ADGRV1: variants seen among roughly 807,000 people sequenced by gnomAD.
The protein encoded by ADGRV1 is adhesion G protein-coupled receptor V1.
In ADGRV1, 359 loss-of-function variants were observed where a neutral mutation model predicts 596.2. The observed-to-expected ratio is 0.60, with a 90% CI of 0.55 to 0.66. The LOEUF is 0.66. Ranked by LOEUF, ADGRV1 falls within the 30% of genes least tolerant of loss-of-function variation. ADGRV1 has a pLI of 0.00. For synonymous variants in ADGRV1, 2,681 were observed against 2,679.2 expected, an observed-to-expected ratio of 1.00 and a Z score of -0.02; for missense variants, 7,274 against 7,575.6, an observed-to-expected ratio of 0.96 and a Z score of 1.48.
At chr5:90,760,636 C>T (rs1324025626) in intron 58 of ADGRV1, among the ~76,000 whole-genome samples, 1 of 152,090 alleles carries the variant, frequency 6.6e-6, no homozygotes, top group Non-Finnish European at 1.5e-5. Context: ...TCTGTTGTGA[C>T]TTATGTAGAA....
intron 82 of ADGRV1, among the ~76,000 whole-genome samples, chr5:90,860,924 C>G (rs1269172035): frequency 6.6e-6 from 1 of 152,082 alleles, no homozygotes; most frequent in East Asian, 1.9e-4. Context: ...GAAAGTATCT[C>G]TCATTCTTAA....
Position 90,722,716 on chromosome 5 carries a change from C to CA in ADGRV1, c.9748+1697dup, listed in dbSNP as rs55761821. On this transcript the variant is annotated intron_variant, in intron 45 of 89. Coordinates refer to ENST00000405460, the MANE Select transcript of ADGRV1 (RefSeq NM_032119.4). ...GGCAACAAGAGCAAAAACTCCGTCT[C>CA]AAAAAAAAAAAAAAAAAAAAAAAAA... Among the ~76,000 whole-genome samples the CA allele has an allele frequency of 1.0e-3, 34 of 32,904 alleles. 7 individuals carry two copies. Among genetic ancestry groups the CA allele is most frequent in the African/African-American group, 1.5e-3 (12 of 8,126 alleles). The allele number at this position is 32,904 out of a possible 152,430, so 21.6% of individuals were successfully genotyped here. A position where few individuals can be genotyped will look rare whatever the true frequency, so the allele number is the denominator to read the frequency against.
At chr5:90,696,903 T>C (rs373449568) in intron 33 of ADGRV1, 34 bp from the exon 34 acceptor site, 80 of 1,528,718 alleles carry the variant, frequency 5.2e-5, no homozygotes, top group Admixed American at 3.5e-4. Flanking sequence ...GTGATTTTGT[T>C]ACTTTGGTTT....
intron 83 of ADGRV1, among the ~76,000 whole-genome samples, chr5:90,891,725 T>A (rs1714597352): frequency 1.3e-5 from 2 of 151,968 alleles, no homozygotes. Context: ...TAGAAGAATT[T>A]CTGTTTTAGA....
chr5:90,674,210 A>C lies in ADGRV1; in HGVS notation c.5086A>C (p.Ile1696Leu). 6.2e-7 allele frequency: 1 copy of C among 1,609,486 alleles called. No individual in the cohort carries two copies. Among genetic ancestry groups the C allele is most frequent in the Non-Finnish European group, 8.5e-7 (1 of 1,178,078 alleles). Residue 1696 changes from isoleucine to leucine, a missense_variant, in exon 23 of 90, where the codon ATC becomes CTC. Ile to Leu is a conservative substitution (Grantham distance 5). This residue lies in a region of ADGRV1 where 3,643 missense variants were observed against 3,809.2 expected (regional missense o/e 0.96). Transcript: ENST00000405460. ...TGAAAAGGAAACGACTGATATCACC[A>C]TCAAAGCTAGTGATCATCCATATGG... The part of the protein sequence containing the change: ...DPEKETTDIT[I>L]KASDHPYGLL...
intron 85 of ADGRV1, among the ~76,000 whole-genome samples, chr5:91,066,481 T>C (rs564508166): frequency 2.6e-5 from 4 of 152,344 alleles, no homozygotes; most frequent in Admixed American, 2.0e-4. Flanking sequence ...AATTTTATTA[T>C]ACAGCAGTAG....
intron 83 of ADGRV1, among the ~76,000 whole-genome samples, chr5:90,932,004 T>G (rs773082032): frequency 3.3e-5 from 5 of 152,226 alleles, no homozygotes; most frequent in Non-Finnish European, 5.9e-5. Context: ...TTTACTTTAC[T>G]CACTTTGTTT....
intron 57 of ADGRV1, among the ~76,000 whole-genome samples, chr5:90,759,104 A>G (rs1429263564): frequency 6.6e-6 from 1 of 152,192 alleles, no homozygotes; most frequent in Non-Finnish European, 1.5e-5. Context: ...CTCTTATCAC[A>G]TCAATAATGT....
At chr5:90,595,348 C>T (rs1760219300) in intron 1 of ADGRV1, among the ~76,000 whole-genome samples, 1 of 64,304 alleles carries the variant, frequency 1.6e-5, no homozygotes, top group Non-Finnish European at 3.1e-5. Context: ...GCTGACCCCC[C>T]CACCTCCCTC....
intron 31 of ADGRV1, 63 bp from the exon 32 acceptor site, chr5:90,692,542 A>C (rs1746614241): frequency 1.5e-6 from 2 of 1,314,060 alleles, no homozygotes; most frequent in Admixed American, 2.6e-5. Context: ...TTTTCCCTTG[A>C]ATCATTTTTA....
At chr5:90,570,272 C>A (rs751270282) in intron 1 of ADGRV1, among the ~76,000 whole-genome samples, 1 of 152,104 alleles carries the variant, frequency 6.6e-6, no homozygotes, top group Non-Finnish European at 1.5e-5. Flanking sequence ...CTTCTAGCCT[C>A]CTAGGCTAGA....
intron 58 of ADGRV1, chr5:90,762,509 A>G (rs1385563003): frequency 2.0e-5 from 3 of 152,102 alleles, no homozygotes; most frequent in Admixed American, 2.0e-4. Context: ...ATTGTGTTAT[A>G]TTTTCTGTTT....
chr5:90,611,894 A>G (rs1228785105), intron 1 of ADGRV1, among the ~76,000 whole-genome samples: 3 of 152,006 alleles, frequency 2.0e-5, no homozygotes, highest in African/African-American at 7.2e-5. Flanking sequence ...GCATTTGTGT[A>G]ATTATGCCTG....
At chr5:90,635,519 G>A (rs1272062841) in intron 10 of ADGRV1, among the ~76,000 whole-genome samples, 2 of 152,098 alleles carry the variant, frequency 1.3e-5, no homozygotes, top group Non-Finnish European at 2.9e-5. Context: ...CACAGTGAGT[G>A]TCGGATATTT....
At chr5:91,156,748 A>G (rs1796511492) in intron 89 of ADGRV1, among the ~76,000 whole-genome samples, 1 of 152,176 alleles carries the variant, frequency 6.6e-6, no homozygotes, top group Non-Finnish European at 1.5e-5. Flanking sequence ...ATATTTTTAG[A>G]AAAAGTAATG....
chr5:90,703,367 A>G (rs2149683529), intron 34 of ADGRV1, among the ~76,000 whole-genome samples: 1 of 152,152 alleles, frequency 6.6e-6, no homozygotes, highest in East Asian at 1.9e-4. Flanking sequence ...CAGAACACTT[A>G]TGTTCTGGTG....
intron 87 of ADGRV1, among the ~76,000 whole-genome samples, chr5:91,121,977 A>G (rs1296204728): frequency 4.6e-5 from 7 of 152,162 alleles, no homozygotes; most frequent in Admixed American, 4.6e-4. Context: ...AAGAAAAAAA[A>G]AACAAACTTG....
intron 50 of ADGRV1, among the ~76,000 whole-genome samples, chr5:90,739,383 C>T (rs1334113366): frequency 6.6e-6 from 1 of 152,150 alleles, no homozygotes; most frequent in Non-Finnish European, 1.5e-5. Flanking sequence ...ATGTTGGCAT[C>T]TGCACATGTG....
At chr5:90,969,579 G>A (rs1778771714) in intron 84 of ADGRV1, among the ~76,000 whole-genome samples, 1 of 152,190 alleles carries the variant, frequency 6.6e-6, no homozygotes, top group Admixed American at 6.5e-5. Context: ...ACAGTGCAAA[G>A]CGAGGATGTA....
Sources: allele counts gnomAD v4.1 joint callset (sites outside exome capture counted in the v4.1 genomes callset), GRCh38; gene constraint gnomAD v4.1.1; regional missense constraint gnomAD v4.1.1; transcripts MANE v1.5; gene names NCBI Gene and HGNC (gene_info 2026-07-23, HGNC 2026-07-21).